Variants in ILDR2 observed in about 807,000 individuals in gnomAD.
ILDR2 encodes the protein immunoglobulin like domain containing receptor 2, also known as immunoglobulin-like domain-containing receptor 2.
ILDR2 carries 25 observed loss-of-function variants against 66.8 expected under a neutral mutation model. The ratio of observed to expected loss-of-function variants is 0.37; its 90% confidence interval spans 0.27 to 0.52. The LOEUF (loss-of-function observed/expected upper bound fraction) is 0.52, where lower values mean the gene tolerates loss of function less well. ILDR2 is among the 20% of genes least tolerant of loss of function. The pLI, the probability that ILDR2 is intolerant of heterozygous loss-of-function variation, is 0.88. For missense variants in ILDR2, 827 were observed against 876.8 expected (o/e 0.94, Z 0.72); for synonymous variants, 367 against 357.2 (o/e 1.03, Z -0.31).
At position 166,909,993 on chromosome 1, in the gene ILDR2, G is replaced by T. The variant is rs1471110329; in HGVS notation, c.*9362C>A. On this transcript the variant is annotated 3_prime_UTR_variant, in exon 10 of 10. Coordinates refer to ENST00000271417, the MANE Select transcript of ILDR2 (RefSeq NM_199351.3). ...TGTCTGGAATTTTCTCCTCTGCTTGGTTTTTAGAGACAGTGAGAGAGAGAA... is the reference window on the plus strand; with the variant it reads ...TGTCTGGAATTTTCTCCTCTGCTTGTTTTTTAGAGACAGTGAGAGAGAGAA... 1 of 151,418 alleles carries T rather than the reference G, an allele frequency of 6.6e-6. No homozygotes were observed. 9.4% of individuals were successfully genotyped at this position (151,418 alleles called of 1,614,324 possible).
chr1:166,951,920 T>C (rs1020955991), intron 3 of ILDR2, among the ~76,000 whole-genome samples: 15 of 152,174 alleles, frequency 9.9e-5, no homozygotes, highest in Non-Finnish European at 1.9e-4. Flanking sequence ...TTCCCTCATA[T>C]CCTCTTATTC....
At chr1:166,926,949 C>T (rs1660336795) in intron 7 of ILDR2, 118 bp downstream of exon 7, 1 of 609,564 alleles carries the variant, frequency 1.6e-6, no homozygotes, top group South Asian at 2.4e-5. Context: ...GTCACCAGCA[C>T]CCCTGCTAAT....
At chr1:166,962,545 A>G (rs780541915) in intron 1 of ILDR2, among the ~76,000 whole-genome samples, 1 of 152,104 alleles carries the variant, frequency 6.6e-6, no homozygotes, top group Non-Finnish European at 1.5e-5. Context: ...ACCCACATAG[A>G]TCAGGCCCCT....
chr1:166,920,877 C>G lies in ILDR2; in HGVS notation c.1714G>C (p.Gly572Arg). Residue 572 changes from glycine to arginine, a missense_variant, in exon 9 of 10, where the codon GGC (glycine) becomes CGC (arginine). Transcript: ENST00000271417. ...SASYYAWSPP[G>R]TYKAGSSQDD... The stretch of plus-strand genomic sequence containing the variant: ...TGCGACGAGCCGGCCTTGTAGGTGC[C>G]GGGCGGCGACCAAGCGTAGTAGGAG... The G allele has an allele frequency of 6.7e-7, 1 of 1,494,284 alleles. No homozygotes were observed. Among genetic ancestry groups the G allele is most frequent in the Non-Finnish European group, 8.9e-7 (1 of 1,126,652 alleles). 92.6% of individuals were successfully genotyped at this position (1,494,284 alleles called of 1,614,324 possible). A position where few individuals can be genotyped will look rare whatever the true frequency, so the allele number is the denominator to read the frequency against.
chr1:166,953,430 T>C (rs1256553818), intron 3 of ILDR2, among the ~76,000 whole-genome samples: 1 of 152,228 alleles, frequency 6.6e-6, no homozygotes, highest in African/African-American at 2.4e-5. Context: ...ACTTTGCCTC[T>C]AATTTACATC....
intron 2 of ILDR2, among the ~76,000 whole-genome samples, chr1:166,957,150 T>C (rs1263730631): frequency 6.6e-6 from 1 of 152,212 alleles, no homozygotes; most frequent in Admixed American, 6.5e-5. Flanking sequence ...CAGAGGCCCC[T>C]AAGAGCCAGG....
Position 166,927,158 on chromosome 1 carries a change from C to G in ILDR2, c.903G>C (p.Gln301His). 1.2e-6 allele frequency: 2 copies of G among 1,613,534 alleles called. No individual in the cohort carries two copies. The highest frequency in any genetic ancestry group is 1.7e-6 in the Non-Finnish European group (2 of 1,179,754). The change falls in exon 7 of 10, where the codon CAG (glutamine) becomes CAC (histidine). Residue 301 changes from glutamine to histidine, a missense_variant. Transcript: ENST00000271417. ...SHSVRKGYRI[Q>H]ADKERDSMKV... ...TCATGGAGTCTCTCTCTTTGTCAGC[C>G]TGGATCCGGTAACCTTTGCGAACTG...
Position 166,936,023 on chromosome 1 carries a change from G to A in ILDR2, c.704-546C>T, listed in dbSNP as rs1475205648. On this transcript the variant is annotated intron_variant, in intron 5 of 9. Coordinates refer to ENST00000271417, the MANE Select transcript of ILDR2 (RefSeq NM_199351.3). The surrounding 1 kb of genome is among the most constrained non-coding windows in gnomAD (Gnocchi z 5.0). ...GGTGTGCCTCTCTCTTTCAAGATGTGTTTGGTTTATGGGAGGGGTACCAAA... is the reference window on the plus strand; with the variant it reads ...GGTGTGCCTCTCTCTTTCAAGATGTATTTGGTTTATGGGAGGGGTACCAAA... 6.6e-6 allele frequency among the ~76,000 whole-genome samples: 1 copy of A among 152,244 alleles called. No individual in the cohort carries two copies. Among genetic ancestry groups the A allele is most frequent in the Non-Finnish European group, 1.5e-5 (1 of 68,048 alleles).
chr1:166,961,224 CA>C (rs1662592388), intron 1 of ILDR2, among the ~76,000 whole-genome samples: 1 of 152,148 alleles, frequency 6.6e-6, no homozygotes, highest in Admixed American at 6.5e-5. Flanking sequence ...GGGTGCTCTA[CA>C]AAAGTGTAGT....
intron 1 of ILDR2, among the ~76,000 whole-genome samples, chr1:166,970,834 G>C (rs1663245105): frequency 6.6e-6 from 1 of 152,170 alleles, no homozygotes; most frequent in Non-Finnish European, 1.5e-5. Flanking sequence ...TGGGAGAGCT[G>C]TGCTAAAGTG....
chr1:166,970,860 C>T (rs1319497949), intron 1 of ILDR2, among the ~76,000 whole-genome samples: 2 of 151,994 alleles, frequency 1.3e-5, no homozygotes, highest in East Asian at 1.9e-4. Flanking sequence ...AGAAGATGGA[C>T]GAGGTACGTT....
At chr1:166,961,308 T>C (rs1392537973) in intron 1 of ILDR2, among the ~76,000 whole-genome samples, 1 of 152,162 alleles carries the variant, frequency 6.6e-6, no homozygotes, top group African/African-American at 2.4e-5. Flanking sequence ...ATAGCCTCCT[T>C]CCAAGCTCTG....
chr1:166,953,511 C>T (rs1167361713), intron 3 of ILDR2, among the ~76,000 whole-genome samples: 2 of 152,202 alleles, frequency 1.3e-5, no homozygotes, highest in African/African-American at 2.4e-5. Context: ...ATTTTGTGAT[C>T]ATCTCCAAGA....
At chr1:166,967,208 T>C (rs1490902135) in intron 1 of ILDR2, among the ~76,000 whole-genome samples, 1 of 152,226 alleles carries the variant, frequency 6.6e-6, no homozygotes, top group Non-Finnish European at 1.5e-5. Flanking sequence ...CCTGGAACTC[T>C]GCTTTTCTTG....
intron 4 of ILDR2, 118 bp downstream of exon 4, chr1:166,939,396 T>C: frequency 1.2e-6 from 1 of 817,778 alleles, no homozygotes; most frequent in Admixed American, 2.0e-5. Context: ...CTGGAAAAGA[T>C]CAGAGACATA....
chr1:166,919,299 T>C lies in ILDR2; in HGVS notation c.*56A>G. 6.6e-7 allele frequency: 1 copy of C among 1,518,332 alleles called. No homozygotes were observed. Among genetic ancestry groups the C allele is most frequent in the South Asian group, 1.2e-5 (1 of 86,582 alleles). The allele number at this position is 1,518,332 out of a possible 1,614,324, so 94.1% of individuals were successfully genotyped here. A position where few individuals can be genotyped will look rare whatever the true frequency, so the allele number is the denominator to read the frequency against. ...GGGCCTGCTGGTTCTTAGATTTGTG[T>C]CTTGTCCCCGTAGTCCATGTCTGAT... On this transcript the variant is annotated 3_prime_UTR_variant, in exon 10 of 10. Coordinates refer to ENST00000271417, the MANE Select transcript of ILDR2 (RefSeq NM_199351.3).
chr1:166,946,052 C>T (rs1313305021), intron 3 of ILDR2, among the ~76,000 whole-genome samples: 1 of 152,204 alleles, frequency 6.6e-6, no homozygotes, highest in Non-Finnish European at 1.5e-5. Context: ...CAAAATGTTT[C>T]ACTCCTATGT....
chr1:166,923,061 T>C (rs762947057), intron 7 of ILDR2, among the ~76,000 whole-genome samples: 2 of 152,196 alleles, frequency 1.3e-5, no homozygotes, highest in African/African-American at 4.8e-5. Flanking sequence ...GAGAACAAGT[T>C]TGTTATTGTT....
chr1:166,961,792 G>GT (rs1160255225), intron 1 of ILDR2, among the ~76,000 whole-genome samples: 1 of 152,234 alleles, frequency 6.6e-6, no homozygotes, highest in African/African-American at 2.4e-5. Flanking sequence ...AGATCAAGGT[G>GT]TCAGATGCCG....
Sources: gnomAD v4.1 joint callset for allele counts (sites outside exome capture counted in the v4.1 genomes callset) on GRCh38, gnomAD v4.1.1 for gene constraint, Gnocchi (gnomAD v3.1) non-coding constraint, MANE v1.5 for transcripts, NCBI Gene and HGNC (gene_info 2026-07-23, HGNC 2026-07-21) for gene names.